Variants in CLK4 observed in about 807,000 individuals in gnomAD.
CLK4 encodes the protein CDC like kinase 4.
In CLK4, 37 loss-of-function variants were observed where a neutral mutation model predicts 64.4. The observed-to-expected ratio is 0.57, with a 90% CI of 0.44 to 0.76. The LOEUF (loss-of-function observed/expected upper bound fraction) is 0.76, where lower values mean the gene tolerates loss of function less well. CLK4 is among the 30% of genes least tolerant of loss of function. The pLI is 0.00. For missense variants in CLK4, 457 were observed against 605.1 expected (o/e 0.76, Z 2.57); for synonymous variants, 175 against 191.6 (o/e 0.91, Z 0.72).
chr5:178,613,406 G>T, intron 7 of CLK4, 67 bp downstream of exon 7: 1 of 1,144,872 alleles, frequency 8.7e-7, no homozygotes, highest in South Asian at 3.0e-5. Context: ...GTGACAGAGC[G>T]AGACTCCGTC....
intron 7 of CLK4, among the ~76,000 whole-genome samples, chr5:178,613,209 CAGG>C (rs926170922): frequency 1.4e-4 from 22 of 152,138 alleles, no homozygotes; most frequent in African/African-American, 5.3e-4. Context: ...ATCACAAGGT[CAGG>C]AGATCGAGAC....
At chr5:178,616,764 C>A in intron 5 of CLK4, 118 bp downstream of exon 5, 1 of 760,706 alleles carries the variant, frequency 1.3e-6, no homozygotes, top group South Asian at 1.8e-5. Flanking sequence ...CCACTGCACT[C>A]AAGCCTGGGC....
Position 178,617,172 on chromosome 5 carries a change from G to A in CLK4, c.475+172C>T, listed in dbSNP as rs1764638612. 9.3e-6 allele frequency: 6 copies of A among 645,258 alleles called. No homozygotes were observed. Among genetic ancestry groups the A allele is most frequent in the South Asian group, 8.3e-5 (4 of 48,462 alleles). 40.0% of individuals were successfully genotyped at this position (645,258 alleles called of 1,614,324 possible). A position where few individuals can be genotyped will look rare whatever the true frequency, so the allele number is the denominator to read the frequency against. ...TTCCACTGATTATTTTGGAACTTTA[G>A]AATAGAAATATTTAAATTCTACAGA... On this transcript the variant is annotated intron_variant, in intron 4 of 12. Transcript: ENST00000316308. This position sits in a 1 kb window ranked among gnomAD's most constrained non-coding sequence, Gnocchi z 5.2.
intron 2 of CLK4, chr5:178,622,368 G>A (rs1380412193): frequency 6.3e-6 from 6 of 950,186 alleles, no homozygotes; most frequent in African/African-American, 1.8e-5. Flanking sequence ...GTCTGTTAAC[G>A]TGGAGAAGGA....
At chr5:178,619,169 A>G (rs892317482) in intron 2 of CLK4, among the ~76,000 whole-genome samples, 5 of 152,222 alleles carry the variant, frequency 3.3e-5, no homozygotes, top group African/African-American at 9.6e-5. Context: ...AGAGCATTTT[A>G]GATATCCCTG....
At chr5:178,620,092 C>T (rs977089724) in intron 2 of CLK4, 1 of 312,056 alleles carries the variant, frequency 3.2e-6, no homozygotes, top group Non-Finnish European at 6.6e-6. Context: ...CCCAATAGGG[C>T]TAGCATCAAA....
chr5:178,624,309 AT>A (rs1764750582), intron 1 of CLK4, among the ~76,000 whole-genome samples: 1 of 152,206 alleles, frequency 6.6e-6, no homozygotes, highest in South Asian at 2.1e-4. Flanking sequence ...TACAAAAAAA[AT>A]TTTTTTAAAT....
chr5:178,607,281 A>G (rs1428725281), intron 10 of CLK4, among the ~76,000 whole-genome samples: 1 of 152,046 alleles, frequency 6.6e-6, no homozygotes, highest in Non-Finnish European at 1.5e-5. Context: ...ATCCTTGCCT[A>G]TTGTTATAAT....
intron 11 of CLK4, chr5:178,604,183 T>TGTC: frequency 7.5e-6 from 2 of 267,788 alleles, no homozygotes; most frequent in Non-Finnish European, 1.4e-5. Context: ...AGCTTAAAAC[T>TGTC]AGGGGCCCCC....
At chr5:178,606,707 A>T (rs1313507937) in intron 10 of CLK4, among the ~76,000 whole-genome samples, 1 of 152,190 alleles carries the variant, frequency 6.6e-6, no homozygotes, top group African/African-American at 2.4e-5. Flanking sequence ...TCACACCTGT[A>T]ATCCCAGCAC....
At chr5:178,619,739 G>A in intron 2 of CLK4, 6 of 1,252,488 alleles carry the variant, frequency 4.8e-6, no homozygotes, top group Non-Finnish European at 6.3e-6. Context: ...AAAGGTCATG[G>A]GCCTCAGGAT....
At chr5:178,622,974 G>A in intron 2 of CLK4, 1 of 329,910 alleles carries the variant, frequency 3.0e-6, no homozygotes. Flanking sequence ...CACGTTACTG[G>A]CAGTTGGGAC....
At chr5:178,621,312 T>C (rs1454917772) in intron 2 of CLK4, among the ~76,000 whole-genome samples, 1 of 152,172 alleles carries the variant, frequency 6.6e-6, no homozygotes, top group Non-Finnish European at 1.5e-5. Flanking sequence ...TGATACTTTA[T>C]GTTACAGGCT....
intron 1 of CLK4, 67 bp downstream of exon 1, chr5:178,626,879 G>A (rs1197325925): frequency 6.5e-6 from 1 of 152,774 alleles, no homozygotes; most frequent in Non-Finnish European, 1.5e-5. Flanking sequence ...TCGTTTCTCC[G>A]ACACCTGGCT....
intron 9 of CLK4, among the ~76,000 whole-genome samples, chr5:178,609,700 A>T (rs1254419307): frequency 7.9e-6 from 1 of 126,008 alleles, no homozygotes; most frequent in Admixed American, 8.2e-5. Flanking sequence ...ATAAATAAAC[A>T]AATAACAAAA....
intron 9 of CLK4, among the ~76,000 whole-genome samples, chr5:178,611,296 C>G (rs1485430370): frequency 6.6e-6 from 1 of 152,182 alleles, no homozygotes; most frequent in Non-Finnish European, 1.5e-5. Context: ...TACCCTTACA[C>G]AGTAGCTCCT....
At chr5:178,626,675 G>A (rs966052958) in intron 1 of CLK4, among the ~76,000 whole-genome samples, 3 of 151,442 alleles carry the variant, frequency 2.0e-5, no homozygotes, top group African/African-American at 7.3e-5. Context: ...ACCAACAGCC[G>A]CGCTCGCCAG....
At chr5:178,620,633 G>T in intron 2 of CLK4, 1 of 455,650 alleles carries the variant, frequency 2.2e-6, no homozygotes, top group Non-Finnish European at 4.4e-6. Context: ...TAGCCAAGAC[G>T]GATGAGGGTA....
chr5:178,612,618 A>G (rs2113805897), intron 8 of CLK4, 73 bp from the exon 9 acceptor site: 5 of 1,458,982 alleles, frequency 3.4e-6, no homozygotes, highest in East Asian at 2.3e-5. Context: ...AGGCCAGCAC[A>G]TGAATTATCT....
Sources: allele counts gnomAD v4.1 joint callset (sites outside exome capture counted in the v4.1 genomes callset), GRCh38; gene constraint gnomAD v4.1.1; non-coding constraint Gnocchi (gnomAD v3.1); transcripts MANE v1.5; gene names NCBI Gene and HGNC (gene_info 2026-07-23, HGNC 2026-07-21).